Variants in BCAS3 observed in about 807,000 individuals in gnomAD.
BCAS3 encodes the protein BCAS3 microtubule associated cell migration factor, also known as BCAS4/BCAS3 fusion.
BCAS3 carries 53 observed loss-of-function variants against 116.1 expected under a neutral mutation model. That is an observed-to-expected ratio of 0.46 (90% CI 0.37 to 0.57). The LOEUF is 0.57. Ranked by LOEUF, BCAS3 falls within the 20% of genes least tolerant of loss-of-function variation. The pLI is 0.00. For synonymous variants in BCAS3, 391 were observed against 408.2 expected, an observed-to-expected ratio of 0.96 and a Z score of 0.51; for missense variants, 917 against 1,165.4, an observed-to-expected ratio of 0.79 and a Z score of 3.10.
chr17:61,322,794 C>CAGAGAGAGAGAGAGAGAGAGAGAGAG (rs35581770), intron 22 of BCAS3, among the ~76,000 whole-genome samples: 18 of 99,682 alleles, frequency 1.8e-4, no homozygotes, highest in African/African-American at 5.0e-4. Flanking sequence ...GAGAGAGAGA[C>CAGAGAGAGAGAGAGAGAGAGAGAGAG]AGAGAGAGAG....
At chr17:60,702,967 C>CT (rs1012860132) in intron 4 of BCAS3, among the ~76,000 whole-genome samples, 7 of 151,926 alleles carry the variant, frequency 4.6e-5, no homozygotes, top group South Asian at 2.1e-4. Flanking sequence ...TTGCTTAATA[C>CT]TTTTTTATCT....
chr17:60,804,663 T>G (rs1453401120), intron 6 of BCAS3, among the ~76,000 whole-genome samples: 1 of 152,184 alleles, frequency 6.6e-6, no homozygotes, highest in Admixed American at 6.5e-5. Context: ...TTTTCAGTCT[T>G]TTGCTATTAT....
In BCAS3 at chr17:61,392,180, G is replaced by A; in HGVS notation, c.*55G>A. The stretch of plus-strand genomic sequence containing the variant: ...CCCCCTCCCCTGCTGGAGGAGGGGA[G>A]AAGCCCCGCTCTGGTCCTACCCTTC... On this transcript the variant is annotated 3_prime_UTR_variant, in exon 24 of 24. Coordinates refer to ENST00000407086, the MANE Select transcript of BCAS3 (RefSeq NM_017679.5). The surrounding 1 kb of genome is among the most constrained non-coding windows in gnomAD (Gnocchi z 6.4). 1 of 1,577,600 alleles carries A rather than the reference G, an allele frequency of 6.3e-7. No homozygotes were observed. The highest frequency in any genetic ancestry group is 8.7e-7 in the Non-Finnish European group (1 of 1,155,468).
intron 15 of BCAS3, among the ~76,000 whole-genome samples, chr17:61,003,498 G>A (rs1431836783): frequency 6.8e-6 from 1 of 147,084 alleles, no homozygotes; most frequent in African/African-American, 2.5e-5. Context: ...TTGCCATTTT[G>A]CACAATCTGG....
chr17:61,210,580 G>A (rs1823404139), intron 22 of BCAS3, among the ~76,000 whole-genome samples: 1 of 152,236 alleles, frequency 6.6e-6, no homozygotes, highest in African/African-American at 2.4e-5. Flanking sequence ...GATTCACTAA[G>A]TTTTCATGTA....
chr17:60,683,003 C>G (rs991704623), intron 2 of BCAS3, among the ~76,000 whole-genome samples: 1 of 151,998 alleles, frequency 6.6e-6, no homozygotes, highest in African/African-American at 2.4e-5. Context: ...CTGCCAACTT[C>G]TGGGTTCAAC....
At chr17:61,301,585 C>T (rs1055299615) in intron 22 of BCAS3, among the ~76,000 whole-genome samples, 1 of 151,996 alleles carries the variant, frequency 6.6e-6, no homozygotes, top group South Asian at 2.1e-4. Flanking sequence ...TGCAATGAGC[C>T]GAGATTGCAC....
Position 61,140,508 on chromosome 17 carries a change from CAATCAAACATTTACCAAGT to C in BCAS3, c.2425+55950_2425+55968del, listed in dbSNP as rs1568437075. On this transcript the variant is annotated intron_variant, in intron 22 of 23. Transcript: ENST00000407086. The surrounding 1 kb of genome is among the most constrained non-coding windows in gnomAD (Gnocchi z 4.2). ...AAGTAACCCTGTTAAGTGGTTATCA[CAATCAAACATTTACCAAGT>C]AATCACTGCAAGTGGATTCAATTTG... 1.3e-5 allele frequency among the ~76,000 whole-genome samples: 2 copies of C among 151,258 alleles called. No individual in the cohort carries two copies. Among genetic ancestry groups the C allele is most frequent in the African/African-American group, 4.9e-5 (2 of 41,222 alleles).
At chr17:61,092,666 A>G (rs2073671446) in intron 22 of BCAS3, among the ~76,000 whole-genome samples, 1 of 152,054 alleles carries the variant, frequency 6.6e-6, no homozygotes, top group Non-Finnish European at 1.5e-5. Flanking sequence ...ATCTTTTGTA[A>G]TGTCCTAGTT....
Position 61,196,115 on chromosome 17 carries a change from ATTC to A in BCAS3, c.2425+111552_2425+111554del, listed in dbSNP as rs1211746896. 6.6e-6 allele frequency among the ~76,000 whole-genome samples: 1 copy of A among 152,228 alleles called. No homozygotes were observed. The highest frequency in any genetic ancestry group is 1.5e-5 in the Non-Finnish European group (1 of 68,032). The stretch of plus-strand genomic sequence containing the variant: ...TCTATCTAGACAACTTCTGAGGTTT[ATTC>A]AAGCCTCATTTGTTGCTGCTCTAAA... On this transcript the variant is annotated intron_variant, in intron 22 of 23. Coordinates refer to ENST00000407086, the MANE Select transcript of BCAS3 (RefSeq NM_017679.5). This position sits in a 1 kb window ranked among gnomAD's most constrained non-coding sequence, Gnocchi z 4.7.
In BCAS3 at chr17:61,265,954, A is replaced by G. The variant is rs780673044; in HGVS notation, c.2426-102373A>G. Among the ~76,000 whole-genome samples the G allele has an allele frequency of 1.4e-4, 21 of 152,322 alleles. No individual in the cohort carries two copies. The highest frequency in any genetic ancestry group is 9.2e-4 in the Admixed American group (14 of 15,300). On this transcript the variant is annotated intron_variant, in intron 22 of 23. Transcript: ENST00000407086. The surrounding 1 kb of genome is among the most constrained non-coding windows in gnomAD (Gnocchi z 4.3). ...TGGAAAATCCAGTGTCACCTTTCATAGATACTAAAATATTTCCTTTCTTCA... is the reference window on the plus strand; with the variant it reads ...TGGAAAATCCAGTGTCACCTTTCATGGATACTAAAATATTTCCTTTCTTCA...
At chr17:61,154,457 A>T (rs2077715469) in intron 22 of BCAS3, among the ~76,000 whole-genome samples, 1 of 148,758 alleles carries the variant, frequency 6.7e-6, no homozygotes, top group Admixed American at 6.7e-5. Flanking sequence ...TTTTTTTGAG[A>T]CAGGGTCTCC....
chr17:61,024,507 A>G (rs1428883872), intron 16 of BCAS3, among the ~76,000 whole-genome samples: 1 of 152,130 alleles, frequency 6.6e-6, no homozygotes, highest in Non-Finnish European at 1.5e-5. Context: ...AAACTTAACA[A>G]TGATGTTATT....
rs74257542 is a variant in BCAS3 at position 61,031,816 on chromosome 17, G to A, written c.1638-2850G>A. On this transcript the variant is annotated intron_variant, in intron 16 of 23. Coordinates refer to ENST00000407086, the MANE Select transcript of BCAS3 (RefSeq NM_017679.5). ...GGCCCTATCAGAGGAAAAAAGAAATGATGAAATATAAAAATAAAAATGGTA... is the reference window on the plus strand; with the variant it reads ...GGCCCTATCAGAGGAAAAAAGAAATAATGAAATATAAAAATAAAAATGGTA... Among the ~76,000 whole-genome samples, 544 of 152,104 alleles carry A rather than the reference G, an allele frequency of 3.6e-3. 11 individuals carry two copies. The East Asian group carries it at 0.076, about 21-fold the overall frequency.
At chr17:61,074,887 A>G in intron 19 of BCAS3, 33 bp from the exon 20 acceptor site, 7 of 1,461,104 alleles carry the variant, frequency 4.8e-6, no homozygotes, top group Non-Finnish European at 6.7e-6. Flanking sequence ...GCATGGAATG[A>G]AGTGGTTTAA....
At chr17:60,874,263 G>A (rs1314309444) in intron 8 of BCAS3, among the ~76,000 whole-genome samples, 1 of 151,518 alleles carries the variant, frequency 6.6e-6, no homozygotes, top group East Asian at 1.9e-4. Flanking sequence ...ATAGAGACAG[G>A]GTCTTCCTTT....
chr17:61,074,603 A>G (rs2071772451), intron 19 of BCAS3, among the ~76,000 whole-genome samples: 1 of 152,194 alleles, frequency 6.6e-6, no homozygotes, highest in African/African-American at 2.4e-5. Context: ...TCTTTTAAAG[A>G]ATCCTAATGT....
chr17:60,733,790 T>A (rs2040698319), intron 5 of BCAS3, among the ~76,000 whole-genome samples: 1 of 152,162 alleles, frequency 6.6e-6, no homozygotes, highest in East Asian at 1.9e-4. Context: ...GAGGCTGTAG[T>A]GAGCATTGAT....
chr17:61,138,443 T>C (rs1392961657), intron 22 of BCAS3, among the ~76,000 whole-genome samples: 1 of 152,228 alleles, frequency 6.6e-6, no homozygotes. Context: ...ATTACTGTTG[T>C]ACCTTGGCTA....
Sources: allele counts gnomAD v4.1 joint callset (sites outside exome capture counted in the v4.1 genomes callset), GRCh38; gene constraint gnomAD v4.1.1; non-coding constraint Gnocchi (gnomAD v3.1); transcripts MANE v1.5; gene names NCBI Gene and HGNC (gene_info 2026-07-23, HGNC 2026-07-21).